Variants in LOC128462377 observed in about 807,000 individuals in gnomAD.
chr16:89,341,860 CCACAGCGGCCACG>C, the LOC128462377 span, among the ~76,000 whole-genome samples: 1 of 145,898 alleles, frequency 6.9e-6, no homozygotes, highest in African/African-American at 2.5e-5. Flanking sequence ...GCACCTCCAC[CCACAGCGGCCACG>C]GCCCACGGCA....
the LOC128462377 span, among the ~76,000 whole-genome samples, chr16:89,318,339 C>A: frequency 6.6e-6 from 1 of 152,234 alleles, no homozygotes; most frequent in Non-Finnish European, 1.5e-5. Flanking sequence ...CACACCTACA[C>A]ACCCACACCC....
chr16:89,339,479 G>A, the LOC128462377 span, among the ~76,000 whole-genome samples: 2 of 144,184 alleles, frequency 1.4e-5, no homozygotes, highest in Admixed American at 7.3e-5. Context: ...CTGAGTGCAC[G>A]CAGCGCATGT....
chr16:89,324,239 C>T, the LOC128462377 span: 4 of 1,204,156 alleles, frequency 3.3e-6, no homozygotes, highest in African/African-American at 1.6e-5. Flanking sequence ...CCCTCAGACA[C>T]ATGCTTGGTC....
At chr16:89,355,198 T>C in the LOC128462377 span, among the ~76,000 whole-genome samples, 1 of 152,038 alleles carries the variant, frequency 6.6e-6, no homozygotes, top group Non-Finnish European at 1.5e-5. Context: ...ATGCTGGTGA[T>C]GCTCGGGAGG....
chr16:89,386,028 C>T, the LOC128462377 span, among the ~76,000 whole-genome samples: 2 of 152,228 alleles, frequency 1.3e-5, no homozygotes, highest in African/African-American at 2.4e-5. Context: ...CACGGGTGTG[C>T]GCCGCCATGC....
the LOC128462377 span, among the ~76,000 whole-genome samples, chr16:89,397,789 G>C: frequency 6.6e-6 from 1 of 152,232 alleles, no homozygotes; most frequent in East Asian, 1.9e-4. Flanking sequence ...CTGGAGTGGA[G>C]CCCTTGGCAG....
At chr16:89,410,449 G>A in the LOC128462377 span, among the ~76,000 whole-genome samples, 2 of 152,172 alleles carry the variant, frequency 1.3e-5, no homozygotes, top group African/African-American at 4.8e-5. Context: ...GATGGTCTTA[G>A]CCCTCAGACC....
chr16:89,375,561 G>A, the LOC128462377 span, among the ~76,000 whole-genome samples: 9 of 151,960 alleles, frequency 5.9e-5, no homozygotes, highest in Non-Finnish European at 1.0e-4. Context: ...CCAGGCCCAA[G>A]CGATTCTCCT....
chr16:89,397,748 T>A, the LOC128462377 span, among the ~76,000 whole-genome samples: 1 of 152,246 alleles, frequency 6.6e-6, no homozygotes, highest in African/African-American at 2.4e-5. Context: ...AAGCCTCTCC[T>A]CTGAGCATCT....
At chr16:89,356,500 G>C in the LOC128462377 span, among the ~76,000 whole-genome samples, 2 of 151,920 alleles carry the variant, frequency 1.3e-5, no homozygotes, top group Non-Finnish European at 2.9e-5. Flanking sequence ...GGCCAGGCGC[G>C]GTGGCTCACG....
chr16:89,346,048 G>T, the LOC128462377 span, among the ~76,000 whole-genome samples: 1 of 151,726 alleles, frequency 6.6e-6, no homozygotes, highest in African/African-American at 2.4e-5. Flanking sequence ...TTGAGACCAG[G>T]CTGGCCAACA....
the LOC128462377 span, among the ~76,000 whole-genome samples, chr16:89,330,812 G>A: frequency 6.6e-6 from 1 of 152,144 alleles, no homozygotes; most frequent in Non-Finnish European, 1.5e-5. Context: ...TCTGAAGGGA[G>A]GCAGATCAAA....
At chr16:89,357,196 A>AG in the LOC128462377 span, among the ~76,000 whole-genome samples, 2 of 152,062 alleles carry the variant, frequency 1.3e-5, no homozygotes, top group South Asian at 2.1e-4. Flanking sequence ...TTCGAAGATG[A>AG]GTGGGGTTGG....
the LOC128462377 span, chr16:89,328,852 C>T: frequency 2.4e-5 from 3 of 122,984 alleles, 1 homozygote; most frequent in Non-Finnish European, 5.0e-5. Flanking sequence ...GGAGCACGGG[C>T]GAAATCAGTG....
chr16:89,327,192 C>G, the LOC128462377 span, among the ~76,000 whole-genome samples: 1 of 152,200 alleles, frequency 6.6e-6, no homozygotes, highest in Admixed American at 6.5e-5. Flanking sequence ...CAACGTCACC[C>G]AGCATGCCAA....
chr16:89,352,975 C>T, the LOC128462377 span, among the ~76,000 whole-genome samples: 1 of 152,170 alleles, frequency 6.6e-6, no homozygotes, highest in Non-Finnish European at 1.5e-5. Flanking sequence ...TTATGGAAAA[C>T]ATTAAACCTT....
chr16:89,373,257 T>G, the LOC128462377 span: 1 of 152,230 alleles, frequency 6.6e-6, no homozygotes, highest in African/African-American at 2.4e-5. Flanking sequence ...AAAACACCTA[T>G]TTCCAAAATT....
chr16:89,397,889 T>C, the LOC128462377 span, among the ~76,000 whole-genome samples: 42 of 152,342 alleles, frequency 2.8e-4, no homozygotes, highest in East Asian at 5.4e-3. Context: ...CATGGGACTC[T>C]CCATCCCTGG....
At chr16:89,366,621 C>T in the LOC128462377 span, among the ~76,000 whole-genome samples, 1 of 152,164 alleles carries the variant, frequency 6.6e-6, no homozygotes, top group African/African-American at 2.4e-5. Context: ...AAAAGGCTGC[C>T]ATCTTGCCTT....
Sources: allele counts gnomAD v4.1 joint callset (sites outside exome capture counted in the v4.1 genomes callset), GRCh38; gene constraint gnomAD v4.1.1; transcripts MANE v1.5.